KSR2: variants seen among roughly 807,000 people sequenced by gnomAD.
KSR2 encodes the protein kinase suppressor of ras 2.
KSR2 carries 25 observed loss-of-function variants against 107.8 expected under a neutral mutation model. The ratio of observed to expected loss-of-function variants is 0.23; its 90% CI spans 0.17 to 0.32. KSR2 has a LOEUF of 0.32. KSR2 is among the 10% of genes least tolerant of loss of function. The pLI is 1.00. For synonymous variants in KSR2, 480 were observed against 507.0 expected (o/e 0.95, Z 0.71); for missense variants, 887 against 1,268.9 (o/e 0.70, Z 4.57).
chr12:117,841,824 T>G (rs113720525), intron 3 of KSR2, among the ~76,000 whole-genome samples: 8 of 152,356 alleles, frequency 5.3e-5, no homozygotes, highest in Non-Finnish European at 1.2e-4. Flanking sequence ...CTCAGTTTTC[T>G]TACCAGAAAA....
chr12:117,714,697 G>A (rs1480495860), intron 4 of KSR2, among the ~76,000 whole-genome samples: 1 of 152,148 alleles, frequency 6.6e-6, no homozygotes, highest in African/African-American at 2.4e-5. Context: ...CAAAGTCCCT[G>A]TTCTCAATGG....
intron 14 of KSR2, among the ~76,000 whole-genome samples, chr12:117,496,411 C>T (rs1258119386): frequency 6.6e-6 from 1 of 152,192 alleles, no homozygotes; most frequent in African/African-American, 2.4e-5. Context: ...TTCCCCAATC[C>T]TGCATCATAT....
chr12:117,623,135 C>A (rs1050412835), intron 5 of KSR2, among the ~76,000 whole-genome samples: 1 of 152,198 alleles, frequency 6.6e-6, no homozygotes, highest in Non-Finnish European at 1.5e-5. Flanking sequence ...TAATGTGCTT[C>A]GCACATGGTA....
At chr12:117,743,506 T>C (rs369487776) in intron 4 of KSR2, among the ~76,000 whole-genome samples, 1 of 152,254 alleles carries the variant, frequency 6.6e-6, no homozygotes, top group Non-Finnish European at 1.5e-5. Flanking sequence ...TGGCACAATA[T>C]ACACAATGAT....
At chr12:117,567,173 A>G (rs569132779) in intron 7 of KSR2, among the ~76,000 whole-genome samples, 37 of 152,354 alleles carry the variant, frequency 2.4e-4, no homozygotes, top group Non-Finnish European at 4.1e-4. Flanking sequence ...GGTGTGACAG[A>G]AAAGGGCAGA....
intron 14 of KSR2, among the ~76,000 whole-genome samples, chr12:117,501,528 T>C (rs1369915232): frequency 6.6e-6 from 1 of 152,172 alleles, no homozygotes; most frequent in Non-Finnish European, 1.5e-5. Flanking sequence ...AGCTAACACT[T>C]CCAGAGCCCT....
intron 4 of KSR2, among the ~76,000 whole-genome samples, chr12:117,727,242 G>A (rs1294783032): frequency 6.6e-6 from 1 of 151,910 alleles, no homozygotes; most frequent in Non-Finnish European, 1.5e-5. Flanking sequence ...AGGCATGATG[G>A]CGGGCACCTG....
intron 14 of KSR2, among the ~76,000 whole-genome samples, chr12:117,492,149 C>T (rs938215212): frequency 1.3e-5 from 2 of 152,246 alleles, no homozygotes; most frequent in African/African-American, 4.8e-5. Flanking sequence ...TGGCCTCAGG[C>T]AGTACCCTCA....
At chr12:117,698,825 T>C (rs1454179755) in intron 4 of KSR2, among the ~76,000 whole-genome samples, 1 of 152,170 alleles carries the variant, frequency 6.6e-6, no homozygotes, top group Non-Finnish European at 1.5e-5. Flanking sequence ...TTTCTTCTTG[T>C]TTATTCATCT....
intron 4 of KSR2, among the ~76,000 whole-genome samples, chr12:117,688,454 T>C (rs948341669): frequency 6.6e-6 from 1 of 152,224 alleles, no homozygotes. Context: ...CTCAAGTCCT[T>C]TGGGGTGGGG....
chr12:117,526,433 A>T (rs926746995), intron 13 of KSR2, among the ~76,000 whole-genome samples: 1 of 152,176 alleles, frequency 6.6e-6, no homozygotes, highest in Admixed American at 6.5e-5. Flanking sequence ...GCTCTTCCTG[A>T]CCCAAAATAC....
chr12:117,760,963 C>T (rs1236840065), intron 4 of KSR2, 48 bp downstream of exon 4: 1 of 1,608,604 alleles, frequency 6.2e-7, no homozygotes. Flanking sequence ...GGCAGCCCCT[C>T]GCAGGCCGGG....
At chr12:117,961,043 C>T (rs1896645523) in intron 1 of KSR2, among the ~76,000 whole-genome samples, 1 of 152,156 alleles carries the variant, frequency 6.6e-6, no homozygotes, top group African/African-American at 2.4e-5. Flanking sequence ...AAGCAATCCT[C>T]CCACCTTGGC....
intron 14 of KSR2, among the ~76,000 whole-genome samples, chr12:117,514,776 G>C (rs1466831713): frequency 6.6e-6 from 1 of 151,976 alleles, no homozygotes; most frequent in African/African-American, 2.4e-5. Context: ...TTGAACTCCT[G>C]GGCTCAAGAG....
chr12:117,906,940 A>G (rs1265462972), intron 1 of KSR2, among the ~76,000 whole-genome samples: 1 of 151,750 alleles, frequency 6.6e-6, no homozygotes, highest in African/African-American at 2.4e-5. Context: ...GATCGCTTGA[A>G]CCCAGGGAGG....
At chr12:117,641,853 C>G (rs939684623) in intron 5 of KSR2, among the ~76,000 whole-genome samples, 1 of 152,112 alleles carries the variant, frequency 6.6e-6, no homozygotes, top group Non-Finnish European at 1.5e-5. Context: ...GAGATGAAAG[C>G]CTGGATACTA....
chr12:117,924,283 T>G (rs1162895843), intron 1 of KSR2, among the ~76,000 whole-genome samples: 1 of 150,804 alleles, frequency 6.6e-6, no homozygotes, highest in Non-Finnish European at 1.5e-5. Context: ...GAAAAAAAAT[T>G]TAGGCCAGGC....
At chr12:117,478,009 CT>C (rs1289463204) in intron 16 of KSR2, among the ~76,000 whole-genome samples, 1 of 152,164 alleles carries the variant, frequency 6.6e-6, no homozygotes, top group Non-Finnish European at 1.5e-5. Context: ...AGCAGACCCC[CT>C]CTGAGATCTT....
chr12:117,546,322 G>A (rs568058883), intron 9 of KSR2, among the ~76,000 whole-genome samples: 69 of 152,240 alleles, frequency 4.5e-4, no homozygotes, highest in South Asian at 1.9e-3. Flanking sequence ...TTTCTGATGA[G>A]AAATTTGTTG....
Sources: gnomAD v4.1 joint callset for allele counts (sites outside exome capture counted in the v4.1 genomes callset) on GRCh38, gnomAD v4.1.1 for gene constraint, MANE v1.5 for transcripts, NCBI Gene and HGNC (gene_info 2026-07-23, HGNC 2026-07-21) for gene names.